The following THSD4 variants were observed in gnomAD, a reference collection of about 807,000 sequenced individuals.
THSD4 encodes the protein thrombospondin type-1 domain-containing protein 4.
THSD4 carries 69 observed loss-of-function variants against 119.0 expected under a neutral mutation model. That is an observed-to-expected ratio of 0.58 (90% confidence interval 0.48 to 0.71). The LOEUF (loss-of-function observed/expected upper bound fraction) is 0.71. THSD4 is among the 30% of genes least tolerant of loss of function. The pLI is 0.00. For synonymous variants in THSD4, 524 were observed against 540.4 expected (o/e 0.97, Z 0.42); for missense variants, 1,393 against 1,391.1 (o/e 1.00, Z -0.02).
At position 71,745,086 on chromosome 15, in the gene THSD4, A is replaced by G. The variant is rs772640452; in HGVS notation, c.1907-20A>G. ...TCCAGTGTGTGGGACTGTCCTTCAGACATTCTCCTGTTGTTGCAGGATCGC... is the reference window on the plus strand; with the variant it reads ...TCCAGTGTGTGGGACTGTCCTTCAGGCATTCTCCTGTTGTTGCAGGATCGC... On this transcript the variant is annotated intron_variant, in intron 11 of 17. Coordinates refer to ENST00000261862, the MANE Select transcript of THSD4 (RefSeq NM_024817.3). 1.2e-6 allele frequency: 2 copies of G among 1,607,090 alleles called. No homozygotes were observed. The highest frequency in any genetic ancestry group is 1.7e-6 in the Non-Finnish European group (2 of 1,176,390).
chr15:71,676,150 A>G lies in THSD4; in HGVS notation c.1357+15416A>G, dbSNP rs145533783. Among the ~76,000 whole-genome samples the G allele has an allele frequency of 1.6e-3, 237 of 152,372 alleles. 3 individuals carry two copies. The highest frequency in any genetic ancestry group is 5.3e-3 in the African/African-American group (221 of 41,586). On this transcript the variant is annotated intron_variant, in intron 8 of 17. Coordinates refer to ENST00000261862, the MANE Select transcript of THSD4 (RefSeq NM_024817.3). ...AAAGAGTAGAACATTTTAGAGAAAT[A>G]AAACATCAAGTGTGTGTTTTTTCTT...
intron 6 of THSD4, among the ~76,000 whole-genome samples, chr15:71,399,989 T>A (rs2046505674): frequency 1.3e-5 from 2 of 152,174 alleles, no homozygotes; most frequent in Admixed American, 6.5e-5. Context: ...TTTTTGTGTG[T>A]GATGACACCT....
intron 7 of THSD4, among the ~76,000 whole-genome samples, chr15:71,644,704 C>T (rs1435119512): frequency 1.3e-5 from 2 of 152,120 alleles, no homozygotes; most frequent in Non-Finnish European, 2.9e-5. Flanking sequence ...CATGGTTTTC[C>T]AGCCATCCTA....
At chr15:71,244,824 G>T (rs1215426282) in intron 5 of THSD4, among the ~76,000 whole-genome samples, 3 of 152,220 alleles carry the variant, frequency 2.0e-5, no homozygotes, top group African/African-American at 7.2e-5. Flanking sequence ...GAATTCATTT[G>T]TAATATACAA....
chr15:71,410,292 G>A lies in THSD4; in HGVS notation c.1016-1395G>A, dbSNP rs114129259. On this transcript the variant is annotated intron_variant, in intron 6 of 17. Coordinates refer to ENST00000261862, the MANE Select transcript of THSD4 (RefSeq NM_024817.3). Reference sequence around the variant, plus strand: ...TAAGACAGAGACATCCTGTATTCTCGCAAAACCACACTGCAATACAGCATG... The same window carrying A: ...TAAGACAGAGACATCCTGTATTCTCACAAAACCACACTGCAATACAGCATG... Among the ~76,000 whole-genome samples, 555 of 152,236 alleles carry A rather than the reference G, an allele frequency of 3.6e-3. 1 individual carries two copies. Among genetic ancestry groups the A allele is most frequent in the African/African-American group, 0.013 (525 of 41,520 alleles).
intron 7 of THSD4, among the ~76,000 whole-genome samples, chr15:71,519,487 A>C (rs1358302030): frequency 6.6e-6 from 1 of 151,908 alleles, no homozygotes; most frequent in African/African-American, 2.4e-5. Context: ...TCAGCCTCCC[A>C]AGTAGCTGGG....
intron 5 of THSD4, among the ~76,000 whole-genome samples, chr15:71,247,768 G>A (rs911312530): frequency 6.6e-5 from 10 of 152,166 alleles, no homozygotes; most frequent in South Asian, 4.1e-4. Flanking sequence ...TGATTAATCC[G>A]CAGCCCTGCA....
chr15:71,362,782 C>G (rs373446357), intron 6 of THSD4, among the ~76,000 whole-genome samples: 3 of 151,566 alleles, frequency 2.0e-5, no homozygotes, highest in East Asian at 3.9e-4. Context: ...TCCTCCCCCT[C>G]CCTCCACACA....
chr15:71,639,836 C>CAAAA (rs56797617), intron 7 of THSD4, among the ~76,000 whole-genome samples: 3 of 140,574 alleles, frequency 2.1e-5, no homozygotes, highest in Non-Finnish European at 3.1e-5. Context: ...TTTTATTTAG[C>CAAAA]AAAAAAAAAA....
intron 5 of THSD4, among the ~76,000 whole-genome samples, chr15:71,249,378 CATG>C (rs1251353719): frequency 6.8e-6 from 1 of 147,462 alleles, no homozygotes; most frequent in Non-Finnish European, 1.5e-5. Context: ...TGTCATTTTT[CATG>C]ATTATAGAAA....
chr15:71,591,684 T>A (rs1340598865), intron 7 of THSD4, among the ~76,000 whole-genome samples: 1 of 151,992 alleles, frequency 6.6e-6, no homozygotes, highest in East Asian at 1.9e-4. Flanking sequence ...TGCAAGAATG[T>A]TTGCAACCAG....
chr15:71,574,650 C>T (rs2049415673), intron 7 of THSD4, among the ~76,000 whole-genome samples: 1 of 152,064 alleles, frequency 6.6e-6, no homozygotes, highest in Non-Finnish European at 1.5e-5. Flanking sequence ...TGCTATGTGA[C>T]CCTGAGCAGT....
intron 6 of THSD4, among the ~76,000 whole-genome samples, chr15:71,293,202 G>C (rs1021595404): frequency 2.6e-5 from 4 of 152,194 alleles, no homozygotes; most frequent in African/African-American, 9.7e-5. Context: ...GTAGTTGGTT[G>C]ATGAGCTTTT....
chr15:71,676,608 T>C (rs2051657248), intron 8 of THSD4, among the ~76,000 whole-genome samples: 1 of 152,170 alleles, frequency 6.6e-6, no homozygotes, highest in Non-Finnish European at 1.5e-5. Flanking sequence ...CCAAAAGCTG[T>C]ACTCAGTAAA....
intron 7 of THSD4, among the ~76,000 whole-genome samples, chr15:71,655,261 A>G (rs2051167035): frequency 1.3e-5 from 2 of 152,218 alleles, no homozygotes; most frequent in African/African-American, 4.8e-5. Context: ...GCCTTTTTCG[A>G]CAGGTACCGT....
chr15:71,555,043 GC>G (rs1436675522), intron 7 of THSD4, among the ~76,000 whole-genome samples: 21 of 152,050 alleles, frequency 1.4e-4, no homozygotes, highest in Middle Eastern at 3.2e-3. Flanking sequence ...TCACTTCATT[GC>G]TTTTATTTAT....
chr15:71,628,274 G>C (rs1307166191), intron 7 of THSD4, among the ~76,000 whole-genome samples: 1 of 152,028 alleles, frequency 6.6e-6, no homozygotes, highest in East Asian at 1.9e-4. Flanking sequence ...TTAACAAGGG[G>C]GTAAAAAAGG....
At chr15:71,224,774 T>C (rs2044001105) in intron 4 of THSD4, among the ~76,000 whole-genome samples, 1 of 152,118 alleles carries the variant, frequency 6.6e-6, no homozygotes, top group South Asian at 2.1e-4. Context: ...ATCTCTTGCT[T>C]CTGTAATCTC....
intron 8 of THSD4, among the ~76,000 whole-genome samples, chr15:71,701,437 C>T (rs1362412119): frequency 6.6e-6 from 1 of 152,082 alleles, no homozygotes; most frequent in East Asian, 1.9e-4. Context: ...CCACAGTAAG[C>T]AAACCCTTGA....
Sources: allele counts gnomAD v4.1 joint callset (sites outside exome capture counted in the v4.1 genomes callset), GRCh38; gene constraint gnomAD v4.1.1; transcripts MANE v1.5; gene names NCBI Gene and HGNC (gene_info 2026-07-23, HGNC 2026-07-21).